PCDHGA5: variants seen among roughly 807,000 people sequenced by gnomAD.
PCDHGA5 encodes the protein protocadherin gamma-A5.
A neutral mutation model predicts 56.7 loss-of-function variants in PCDHGA5; 36 were observed. That is an observed-to-expected ratio of 0.64 (90% CI 0.49 to 0.84). The LOEUF (loss-of-function observed/expected upper bound fraction) is 0.84, where lower values mean the gene tolerates loss of function less well. Ranked by LOEUF, PCDHGA5 falls within the 40% of genes least tolerant of loss-of-function variation. PCDHGA5 has a pLI of 0.00. For missense variants in PCDHGA5, 1,305 were observed against 1,201.5 expected (o/e 1.09, Z -1.27); for synonymous variants, 563 against 520.2 (o/e 1.08, Z -1.12).
intron 1 of PCDHGA5, chr5:141,415,448 C>T (rs2095870056): frequency 6.2e-7 from 1 of 1,614,052 alleles, no homozygotes; most frequent in African/African-American, 1.3e-5. Flanking sequence ...CAGACCTATT[C>T]CCACGAGGTC....
At chr5:141,422,862 C>T in intron 1 of PCDHGA5, 1 of 1,614,270 alleles carries the variant, frequency 6.2e-7, no homozygotes, top group Non-Finnish European at 8.5e-7. Flanking sequence ...CCCTCAGCAG[C>T]AACGTGTCGC....
chr5:141,370,804 T>C lies in PCDHGA5; in HGVS notation c.2421+4053T>C, dbSNP rs565720476. 223 of 1,614,010 alleles carry C rather than the reference T, an allele frequency of 1.4e-4. 3 individuals are homozygous for C. The Middle Eastern group carries it at 3.0e-3, about 21-fold the overall frequency. On this transcript the variant is annotated intron_variant, in intron 1 of 3. Coordinates refer to ENST00000518069, the MANE Select transcript of PCDHGA5 (RefSeq NM_018918.3). ...AACCCACCGACCTTTAGCCAAAATA[T>C]CACTGAGCTGGAAATCAGCGAACTG...
In PCDHGA5 at chr5:141,491,177, T is replaced by G; in HGVS notation, c.2422-3630T>G. The G allele has an allele frequency of 6.2e-7, 1 of 1,614,158 alleles. No homozygotes were observed. Among genetic ancestry groups the G allele is most frequent in the Non-Finnish European group, 8.5e-7 (1 of 1,180,010 alleles). Reference sequence around the variant, plus strand: ...GACTCTGACACCCAGCAGGTGGTGGTCCTGGTGAGGGACAATGGTGACCCT... The same window carrying G: ...GACTCTGACACCCAGCAGGTGGTGGGCCTGGTGAGGGACAATGGTGACCCT... On this transcript the variant is annotated intron_variant, in intron 1 of 3. Transcript: ENST00000518069. This position sits in a 1 kb window ranked among gnomAD's most constrained non-coding sequence, Gnocchi z 6.9.
At position 141,477,862 on chromosome 5, in the gene PCDHGA5, A is replaced by AGGT. The variant is rs753168325; in HGVS notation, c.2422-16944_2422-16942dup. 2.1e-5 allele frequency: 34 copies of AGGT among 1,613,138 alleles called. No individual in the cohort carries two copies. Among genetic ancestry groups the AGGT allele is most frequent in the Non-Finnish European group, 2.5e-5 (29 of 1,179,720 alleles). ...GGAGCTCGGTGGAGATGCTGCCTCG[A>AGGT]GGTACCTCAGCTGGCCACCTAGTGT... is the stretch of plus-strand genomic sequence containing the variant. On this transcript the variant is annotated intron_variant, in intron 1 of 3. Transcript: ENST00000518069. The surrounding 1 kb of genome is among the most constrained non-coding windows in gnomAD (Gnocchi z 4.9).
At chr5:141,372,101 C>T (rs984585015) in intron 1 of PCDHGA5, 8 of 1,613,794 alleles carry the variant, frequency 5.0e-6, no homozygotes, top group Middle Eastern at 1.7e-4. Context: ...CTCTGGGGCC[C>T]GAAGGCTCTG....
At chr5:141,419,315 C>T in intron 1 of PCDHGA5, 1 of 1,613,998 alleles carries the variant, frequency 6.2e-7, no homozygotes. Flanking sequence ...GCTCAACGGC[C>T]GTGTCTCCTA....
intron 1 of PCDHGA5, chr5:141,376,292 G>T: frequency 6.2e-7 from 1 of 1,614,156 alleles, no homozygotes; most frequent in Non-Finnish European, 8.5e-7. Flanking sequence ...GAGCATGCCC[G>T]GCTCGCACTT....
In PCDHGA5 at chr5:141,490,113, C is replaced by G. The variant is rs2099696295; in HGVS notation, c.2422-4694C>G. Reference sequence around the variant, plus strand: ...ACCACACATCTGAGGCAGTGCGGAACCTCTTTGGCCTAGACCCTAGCAGTG... The same window carrying G: ...ACCACACATCTGAGGCAGTGCGGAAGCTCTTTGGCCTAGACCCTAGCAGTG... On this transcript the variant is annotated intron_variant, in intron 1 of 3. Transcript: ENST00000518069. This position sits in a 1 kb window ranked among gnomAD's most constrained non-coding sequence, Gnocchi z 5.4. 1 of 1,614,258 alleles carries G rather than the reference C, an allele frequency of 6.2e-7. No individual in the cohort carries two copies.
At position 141,487,728 on chromosome 5, in the gene PCDHGA5, C is replaced by T. The variant is rs986276637; in HGVS notation, c.2422-7079C>T. 2 of 1,570,444 alleles carry T rather than the reference C, an allele frequency of 1.3e-6. No homozygotes were observed. Among genetic ancestry groups the T allele is most frequent in the East Asian group, 2.3e-5 (1 of 42,866 alleles). ...TCAGTAAGTGCCCATAGTGATGTCA[C>T]CATTTTTGTAAGAGGTAACTATGTG... On this transcript the variant is annotated intron_variant, in intron 1 of 3. Coordinates refer to ENST00000518069, the MANE Select transcript of PCDHGA5 (RefSeq NM_018918.3). The surrounding 1 kb of genome is among the most constrained non-coding windows in gnomAD (Gnocchi z 5.0).
intron 1 of PCDHGA5, chr5:141,399,663 G>C: frequency 6.2e-7 from 1 of 1,613,624 alleles, no homozygotes; most frequent in Non-Finnish European, 8.5e-7. Context: ...TGGTGTTCGC[G>C]CAGCGCGCCT....
intron 1 of PCDHGA5, chr5:141,478,198 ACTT>A (rs2099438516): frequency 1.2e-6 from 2 of 1,613,746 alleles, no homozygotes; most frequent in African/African-American, 1.3e-5. Context: ...CCTTTTATCT[ACTT>A]CTTTCTCTAA....
chr5:141,393,899 C>T, intron 1 of PCDHGA5: 1 of 1,613,932 alleles, frequency 6.2e-7, no homozygotes, highest in Non-Finnish European at 8.5e-7. Context: ...ATTCTCTTCC[C>T]GGGACAGTAA....
chr5:141,421,515 C>A, intron 1 of PCDHGA5: 3 of 1,614,080 alleles, frequency 1.9e-6, no homozygotes, highest in Non-Finnish European at 2.5e-6. Context: ...GGGAGGAGCT[C>A]TGTGAGACGG....
At chr5:141,404,198 T>G in intron 1 of PCDHGA5, 1 of 1,613,554 alleles carries the variant, frequency 6.2e-7, no homozygotes, top group Non-Finnish European at 8.5e-7. Flanking sequence ...AGAAAAAGCC[T>G]CAGAATATAA....
At chr5:141,388,448 C>T in intron 1 of PCDHGA5, 1 of 1,613,760 alleles carries the variant, frequency 6.2e-7, no homozygotes, top group Non-Finnish European at 8.5e-7. Context: ...AATCAGATGG[C>T]AGTAAATACC....
chr5:141,416,412 A>G (rs1391280535), intron 1 of PCDHGA5: 1 of 152,182 alleles, frequency 6.6e-6, no homozygotes, highest in Non-Finnish European at 1.5e-5. Flanking sequence ...TTTTTGTTAA[A>G]TTTTCTAGTG....
At chr5:141,403,513 T>C (rs754840157) in intron 1 of PCDHGA5, 1 of 1,613,714 alleles carries the variant, frequency 6.2e-7, no homozygotes, top group East Asian at 2.2e-5. Flanking sequence ...CTGGAGACAA[T>C]GGAGCCATAA....
In PCDHGA5 at chr5:141,486,288, T is replaced by G. The variant is rs1181533037; in HGVS notation, c.2422-8519T>G. ...GAACCTGGCACTGTGGTGGCACTTA[T>G]CAGTGTGCAGGATCCAGACTCAGGG... On this transcript the variant is annotated intron_variant, in intron 1 of 3. Transcript: ENST00000518069. This position sits in a 1 kb window ranked among gnomAD's most constrained non-coding sequence, Gnocchi z 5.0. The G allele has an allele frequency of 6.2e-7, 1 of 1,613,996 alleles. No individual in the cohort carries two copies. The highest frequency in any genetic ancestry group is 1.7e-5 in the Admixed American group (1 of 60,000).
In PCDHGA5 at chr5:141,431,814, T is replaced by C. The variant is rs1300319049; in HGVS notation, c.2422-62993T>C. 1 of 1,614,246 alleles carries C rather than the reference T, an allele frequency of 6.2e-7. No homozygotes were observed. Among genetic ancestry groups the C allele is most frequent in the Non-Finnish European group, 8.5e-7 (1 of 1,180,044 alleles). ...GCCCCAGAAGTGGTCCTCACCTCTC[T>C]CGCCAGCTCGGTTCCCGAAAACTCT... On this transcript the variant is annotated intron_variant, in intron 1 of 3. Coordinates refer to ENST00000518069, the MANE Select transcript of PCDHGA5 (RefSeq NM_018918.3). The surrounding 1 kb of genome is among the most constrained non-coding windows in gnomAD (Gnocchi z 4.8).
Sources: gnomAD v4.1 joint callset for allele counts on GRCh38, gnomAD v4.1.1 for gene constraint, Gnocchi (gnomAD v3.1) non-coding constraint, MANE v1.5 for transcripts, NCBI Gene and HGNC (gene_info 2026-07-23, HGNC 2026-07-21) for gene names.